Variants in CYFIP1 observed in about 807,000 individuals in gnomAD.
CYFIP1 encodes the protein cytoplasmic FMR1 interacting protein 1.
Under a neutral mutation model 163.5 loss-of-function variants are expected in CYFIP1, and 58 were observed. The observed-to-expected ratio is 0.35, with a 90% confidence interval of 0.29 to 0.44. CYFIP1 has a LOEUF of 0.44. CYFIP1 is among the 20% of genes least tolerant of loss of function. The pLI is 1.00. For synonymous variants in CYFIP1, 663 were observed against 660.7 expected (o/e 1.00, Z -0.05); for missense variants, 1,338 against 1,653.8 (o/e 0.81, Z 3.31).
At chr15:22,890,261 G>A (rs1441264781) in intron 23 of CYFIP1, among the ~76,000 whole-genome samples, 1 of 149,244 alleles carries the variant, frequency 6.7e-6, no homozygotes, top group Non-Finnish European at 1.5e-5. Flanking sequence ...GCAGTAAGCC[G>A]AGATTGTGCC....
chr15:22,972,479 C>A (rs1017438360), intron 1 of CYFIP1, among the ~76,000 whole-genome samples: 6 of 151,976 alleles, frequency 3.9e-5, no homozygotes, highest in African/African-American at 1.5e-4. Flanking sequence ...ATATAGTAAC[C>A]CAAACAGCAC....
At chr15:22,945,333 C>G (rs1340750897) in intron 3 of CYFIP1, among the ~76,000 whole-genome samples, 1 of 152,206 alleles carries the variant, frequency 6.6e-6, no homozygotes, top group Non-Finnish European at 1.5e-5. Context: ...TCCTCACTGG[C>G]TCACAGGGCC....
chr15:22,955,328 A>C (rs915513997), intron 1 of CYFIP1, among the ~76,000 whole-genome samples: 2 of 152,228 alleles, frequency 1.3e-5, no homozygotes, highest in Non-Finnish European at 2.9e-5. Context: ...GCCACAGAGC[A>C]AGGTTGAGAA....
rs2059500496 is a variant in CYFIP1, at chr15:22,873,711, C to T, written c.3229G>A (p.Glu1077Lys). ...CGCTCCTTTGTCAGCAGGTCCCCCT[C>T]TCTTGCGATGGCAATTTGCTGCAGA... ...GTPQQIAIAR[E>K]GDLLTKERLC... The change falls in exon 29 of 31, where the codon GAG becomes AAG. Residue 1077 changes from glutamate to lysine, a missense_variant. Transcript: ENST00000617928. 6.2e-7 allele frequency: 1 copy of T among 1,612,844 alleles called. No individual in the cohort carries two copies. The highest frequency in any genetic ancestry group is 8.5e-7 in the Non-Finnish European group (1 of 1,178,924).
At position 22,874,567 on chromosome 15, in the gene CYFIP1, T is replaced by G. The variant is rs750152440; in HGVS notation, c.3193A>C (p.Arg1065=). Residue 1065 remains arginine (R), a synonymous_variant, in exon 28 of 31, where the codon AGA becomes CGA. Coordinates refer to ENST00000617928, the MANE Select transcript of CYFIP1 (RefSeq NM_014608.6). Reference sequence around the variant, plus strand: ...CACGTTACCTGAGGGGTCCCCAGTCTTTCAATCAGTGGGACAAGATGCAGC... The same window carrying G: ...CACGTTACCTGAGGGGTCCCCAGTCGTTCAATCAGTGGGACAAGATGCAGC... ...APLHLVPLIE[R]LGTPQQIAIA... 11 of 1,604,414 alleles carry G rather than the reference T, an allele frequency of 6.9e-6. No individual in the cohort carries two copies. The highest frequency in any genetic ancestry group is 5.2e-5 in the Admixed American group (3 of 57,458).
intron 1 of CYFIP1, among the ~76,000 whole-genome samples, chr15:22,979,142 T>C (rs901618980): frequency 6.6e-6 from 1 of 152,148 alleles, no homozygotes; most frequent in Non-Finnish European, 1.5e-5. Flanking sequence ...ATATCCCTAC[T>C]GGCCCTACGA....
At chr15:22,953,744 C>T (rs2062339880) in intron 1 of CYFIP1, among the ~76,000 whole-genome samples, 1 of 152,196 alleles carries the variant, frequency 6.6e-6, no homozygotes. Context: ...TGCTACTAGC[C>T]AGCACTTTAG....
chr15:22,947,968 T>C (rs2062116162), intron 1 of CYFIP1: 2 of 985,374 alleles, frequency 2.0e-6, no homozygotes, highest in Non-Finnish European at 2.4e-6. Flanking sequence ...TCTGCTCCAG[T>C]CTCAAGGGTA....
In CYFIP1 at chr15:22,933,791, TCTC is replaced by T. The variant is rs747954197; in HGVS notation, c.992+8_992+10del. On this transcript the variant is annotated splice_region_variant and intron_variant, in intron 10 of 30. Transcript: ENST00000617928. The stretch of plus-strand genomic sequence containing the variant: ...GAAAGCTCAAACCAGGCAGCTTTCC[TCTC>T]CTCCTACCGAGATTTATTTTCCTCG... 3 of 1,606,880 alleles carry T rather than the reference TCTC, an allele frequency of 1.9e-6. No homozygotes were observed. Among genetic ancestry groups the T allele is most frequent in the South Asian group, 1.1e-5 (1 of 89,992 alleles).
At chr15:22,911,448 A>G (rs1292570817) in intron 18 of CYFIP1, among the ~76,000 whole-genome samples, 1 of 152,130 alleles carries the variant, frequency 6.6e-6, no homozygotes, top group East Asian at 1.9e-4. Context: ...TGTGCACTCC[A>G]GGAGGCACCA....
At chr15:22,977,514 T>C (rs1448084611) in intron 1 of CYFIP1, among the ~76,000 whole-genome samples, 1 of 152,178 alleles carries the variant, frequency 6.6e-6, no homozygotes, top group Non-Finnish European at 1.5e-5. Context: ...AGCTTGGACA[T>C]GTTAGTTAAA....
At chr15:22,893,814 A>C (rs1038293488) in intron 22 of CYFIP1, among the ~76,000 whole-genome samples, 12 of 152,244 alleles carry the variant, frequency 7.9e-5, no homozygotes, top group African/African-American at 2.9e-4. Context: ...CACAGTCCTC[A>C]GTGCTTGGCA....
At chr15:22,948,008 C>T in intron 1 of CYFIP1, 2 of 985,044 alleles carry the variant, frequency 2.0e-6, no homozygotes, top group African/African-American at 3.5e-5. Flanking sequence ...TGGGATGGGA[C>T]CAGGGGCAGC....
intron 1 of CYFIP1, among the ~76,000 whole-genome samples, chr15:22,953,266 C>G (rs144427112): frequency 6.6e-6 from 1 of 152,314 alleles, no homozygotes; most frequent in African/African-American, 2.4e-5. Context: ...CCACTCCACA[C>G]AGGCACATCA....
At chr15:22,928,992 G>T (rs1421040827) in intron 11 of CYFIP1, among the ~76,000 whole-genome samples, 1 of 152,000 alleles carries the variant, frequency 6.6e-6, no homozygotes, top group Non-Finnish European at 1.5e-5. Flanking sequence ...GCCGGGGCAG[G>T]TGGATTGCCT....
chr15:22,889,777 G>T (rs557817684), intron 23 of CYFIP1, among the ~76,000 whole-genome samples: 3 of 152,108 alleles, frequency 2.0e-5, no homozygotes, highest in African/African-American at 7.2e-5. Flanking sequence ...CTAAAACAGG[G>T]ATTAAAAATT....
At chr15:22,937,318 A>G in intron 8 of CYFIP1, 110 bp from the exon 9 acceptor site, 1 of 668,078 alleles carries the variant, frequency 1.5e-6, no homozygotes. Context: ...AATTTGAAAT[A>G]GATCACAAAG....
chr15:22,883,804 G>A (rs35428262), intron 23 of CYFIP1, among the ~76,000 whole-genome samples: 4 of 118,602 alleles, frequency 3.4e-5, no homozygotes, highest in African/African-American at 1.1e-4. Flanking sequence ...GTGACAGAAC[G>A]AGACTTCATC....
intron 14 of CYFIP1, 117 bp from the exon 15 acceptor site, chr15:22,918,052 A>C: frequency 3.2e-6 from 4 of 1,235,334 alleles, no homozygotes; most frequent in Non-Finnish European, 4.5e-6. Context: ...GAAAATACAA[A>C]TTACTCTGGG....
Sources: allele counts gnomAD v4.1 joint callset (sites outside exome capture counted in the v4.1 genomes callset), GRCh38; gene constraint gnomAD v4.1.1; transcripts MANE v1.5; gene names NCBI Gene and HGNC (gene_info 2026-07-23, HGNC 2026-07-21).